The following PRICKLE2 variants were observed in gnomAD, a reference collection of about 807,000 sequenced individuals.
PRICKLE2 encodes prickle-like protein 2.
PRICKLE2 carries 21 observed loss-of-function variants against 81.4 expected under a neutral mutation model. The observed-to-expected ratio is 0.26, with a 90% CI of 0.18 to 0.37. The LOEUF is 0.37. Ranked by LOEUF, PRICKLE2 falls within the 10% of genes least tolerant of loss-of-function variation. PRICKLE2 has a pLI of 1.00. For missense variants in PRICKLE2, 940 were observed against 1,109.0 expected (o/e 0.85, Z 2.16); for synonymous variants, 456 against 421.5 (o/e 1.08, Z -1.00).
intron 2 of PRICKLE2, among the ~76,000 whole-genome samples, chr3:64,257,716 AGTGG>A (rs2079547764): frequency 6.6e-6 from 1 of 152,210 alleles, no homozygotes; most frequent in African/African-American, 2.4e-5. Context: ...TTGGGAGGGC[AGTGG>A]GTGGGCCAGA....
intron 7 of PRICKLE2, among the ~76,000 whole-genome samples, chr3:64,125,338 G>C (rs527757230): frequency 6.6e-6 from 1 of 152,346 alleles, no homozygotes; most frequent in Admixed American, 6.5e-5. Context: ...CATAAACCTA[G>C]TGGATAAAGC....
chr3:64,113,840 GC>G (rs1211078756), intron 7 of PRICKLE2, among the ~76,000 whole-genome samples: 19 of 152,116 alleles, frequency 1.2e-4, no homozygotes, highest in Non-Finnish European at 5.9e-5. Context: ...CCAGCACCCT[GC>G]CCCAAGCCAA....
At chr3:64,159,696 A>G (rs1175460567) in intron 4 of PRICKLE2, among the ~76,000 whole-genome samples, 2 of 152,122 alleles carry the variant, frequency 1.3e-5, no homozygotes, top group Non-Finnish European at 2.9e-5. Flanking sequence ...GCCTCCCCAC[A>G]CTTCCAGTAC....
At chr3:64,111,653 T>C (rs989495428) in intron 7 of PRICKLE2, among the ~76,000 whole-genome samples, 2 of 152,214 alleles carry the variant, frequency 1.3e-5, no homozygotes, top group African/African-American at 2.4e-5. Context: ...AAGTAAAAGA[T>C]ACCAGATATA....
At chr3:64,150,961 A>G (rs1210444066) in intron 6 of PRICKLE2, among the ~76,000 whole-genome samples, 1 of 152,016 alleles carries the variant, frequency 6.6e-6, no homozygotes, top group Non-Finnish European at 1.5e-5. Context: ...TTCGACATCT[A>G]AGCGTTCTTT....
intron 7 of PRICKLE2, chr3:64,141,928 C>T (rs1339327878): frequency 1.6e-5 from 16 of 984,686 alleles, no homozygotes; most frequent in Admixed American, 6.2e-5. Context: ...TTTTGTGGCA[C>T]GTACCTGGTA....
rs1429628763 is a variant in PRICKLE2 at position 64,254,021 on chromosome 3, TTGTAA to T, written c.129-55059_129-55055del. 4.6e-5 allele frequency among the ~76,000 whole-genome samples: 7 copies of T among 152,196 alleles called. No homozygotes were observed. The South Asian group carries it at 8.3e-4, about 18-fold the overall frequency. The stretch of plus-strand genomic sequence containing the variant: ...TTGGGGCCTTCAGATGGATGGAGGT[TTGTAA>T]TAATACAGGTATATGTTTCGGGGCA... On this transcript the variant is annotated intron_variant, in intron 2 of 8. Transcript: ENST00000295902.
intron 2 of PRICKLE2, among the ~76,000 whole-genome samples, chr3:64,192,810 T>C (rs1282218639): frequency 6.6e-6 from 1 of 152,194 alleles, no homozygotes; most frequent in Non-Finnish European, 1.5e-5. Context: ...TGCTAAAACA[T>C]AGTTATGGTC....
chr3:64,234,522 G>GT (rs1431908680), intron 2 of PRICKLE2, among the ~76,000 whole-genome samples: 14 of 152,138 alleles, frequency 9.2e-5, no homozygotes, highest in Admixed American at 5.9e-4. Flanking sequence ...GTTAAAATTA[G>GT]TAAGTTATAA....
In PRICKLE2 at chr3:64,163,146, A is replaced by G; in HGVS notation, c.145-17T>C. On this transcript the variant is annotated splice_polypyrimidine_tract_variant and intron_variant, in intron 2 of 7. Coordinates refer to ENST00000638394, the MANE Select transcript of PRICKLE2 (RefSeq NM_198859.4). ...CTGGTGTACCTGAAGGACAGAAAGC[A>G]TATAGATGACTTGCCCATTACTCAA... is the stretch of plus-strand genomic sequence containing the variant. 2.1e-6 allele frequency: 3 copies of G among 1,458,212 alleles called. No homozygotes were observed. The highest frequency in any genetic ancestry group is 1.9e-6 in the Non-Finnish European group (2 of 1,037,850). 90.3% of individuals were successfully genotyped at this position (1,458,212 alleles called of 1,614,324 possible).
At chr3:64,107,304 G>A (rs1279112466) in intron 7 of PRICKLE2, among the ~76,000 whole-genome samples, 2 of 152,146 alleles carry the variant, frequency 1.3e-5, no homozygotes, top group Non-Finnish European at 2.9e-5. Flanking sequence ...CACAGAAACT[G>A]GCCTCTGCGA....
At chr3:64,125,201 G>A (rs830007) in intron 7 of PRICKLE2, among the ~76,000 whole-genome samples, 81,319 of 151,988 alleles carry the variant, frequency 0.54, 22,001 homozygotes, top group Middle Eastern at 0.62. Flanking sequence ...TCTCATGATC[G>A]AACTTGAATG....
intron 7 of PRICKLE2, chr3:64,145,362 T>TAC (rs1377085076): frequency 2.7e-5 from 4 of 148,104 alleles, no homozygotes; most frequent in African/African-American, 9.8e-5. Flanking sequence ...GATATATATA[T>TAC]ACACACGCTA....
chr3:64,222,768 C>A (rs1285863204), intron 1 of PRICKLE2, among the ~76,000 whole-genome samples: 1 of 152,160 alleles, frequency 6.6e-6, no homozygotes, highest in Non-Finnish European at 1.5e-5. Flanking sequence ...TCAATATCTG[C>A]ACTGAAAAGA....
At chr3:64,133,423 T>C (rs1466219275) in intron 7 of PRICKLE2, among the ~76,000 whole-genome samples, 2 of 152,164 alleles carry the variant, frequency 1.3e-5, no homozygotes, top group Non-Finnish European at 2.9e-5. Context: ...TTCCAGGAGC[T>C]GATAATGATC....
chr3:64,154,855 A>C (rs2077604151), intron 5 of PRICKLE2: 1 of 152,166 alleles, frequency 6.6e-6, no homozygotes, highest in Admixed American at 6.5e-5. Context: ...CAACTCAATA[A>C]TGAGAAAAAT....
At chr3:64,179,678 T>C (rs2078092805) in intron 2 of PRICKLE2, among the ~76,000 whole-genome samples, 1 of 152,190 alleles carries the variant, frequency 6.6e-6, no homozygotes, top group African/African-American at 2.4e-5. Flanking sequence ...ATTTTCAGGG[T>C]ACAAGTAAAG....
intron 7 of PRICKLE2, chr3:64,145,777 T>TC (rs2107012743): frequency 6.6e-6 from 1 of 152,136 alleles, no homozygotes; most frequent in Admixed American, 6.5e-5. Context: ...GCAACTGGGC[T>TC]CCAGGTGCTG....
At chr3:64,119,627 G>C (rs2076994751) in intron 7 of PRICKLE2, among the ~76,000 whole-genome samples, 1 of 152,188 alleles carries the variant, frequency 6.6e-6, no homozygotes, top group Non-Finnish European at 1.5e-5. Flanking sequence ...AGTGAGTTCA[G>C]CCACTGTGAA....
Sources: gnomAD v4.1 joint callset for allele counts (sites outside exome capture counted in the v4.1 genomes callset) on GRCh38, gnomAD v4.1.1 for gene constraint, MANE v1.5 for transcripts, NCBI Gene and HGNC (gene_info 2026-07-23, HGNC 2026-07-21) for gene names.